Variants in GLRA1 observed in about 807,000 individuals in gnomAD.
The protein encoded by GLRA1 is glycine receptor subunit alpha-1.
GLRA1 carries 37 observed loss-of-function variants against 48.3 expected under a neutral mutation model. That is an observed-to-expected ratio of 0.77 (90% confidence interval 0.59 to 1.01). The LOEUF is 1.01. GLRA1 is among the 50% of genes least tolerant of loss of function. The pLI, the probability that GLRA1 is intolerant of heterozygous loss-of-function variation, is 0.00. For missense variants in GLRA1, 427 were observed against 571.0 expected (o/e 0.75, Z 2.57); for synonymous variants, 196 against 210.7 (o/e 0.93, Z 0.60).
intron 3 of GLRA1, among the ~76,000 whole-genome samples, chr5:151,878,941 C>T (rs1052688452): frequency 2.0e-5 from 3 of 152,218 alleles, no homozygotes. Flanking sequence ...TACTTGGGCA[C>T]CTCCTAGTGG....
chr5:151,876,366 T>A (rs1581636933), intron 3 of GLRA1, among the ~76,000 whole-genome samples: 1 of 152,268 alleles, frequency 6.6e-6, no homozygotes, highest in South Asian at 2.1e-4. Flanking sequence ...ATGACCAGAT[T>A]GCTGCTTTAG....
intron 3 of GLRA1, among the ~76,000 whole-genome samples, chr5:151,865,244 G>T: frequency 6.6e-6 from 1 of 152,168 alleles, no homozygotes. Context: ...CTGAGGAAAG[G>T]GCTCTGATAG....
intron 5 of GLRA1, 58 bp from the exon 6 acceptor site, chr5:151,855,235 G>A: frequency 6.5e-7 from 1 of 1,549,828 alleles, no homozygotes; most frequent in Non-Finnish European, 8.9e-7. Flanking sequence ...TTTGAAGCAT[G>A]TCAGGATTGG....
At chr5:151,883,978 G>A (rs1753832058) in intron 3 of GLRA1, among the ~76,000 whole-genome samples, 1 of 152,066 alleles carries the variant, frequency 6.6e-6, no homozygotes, top group Non-Finnish European at 1.5e-5. Context: ...GGAGAGGAGA[G>A]GAGGAATAAA....
At chr5:151,899,308 C>G (rs1754307693) in intron 1 of GLRA1, among the ~76,000 whole-genome samples, 1 of 152,184 alleles carries the variant, frequency 6.6e-6, no homozygotes, top group African/African-American at 2.4e-5. Flanking sequence ...GGGGATTAAT[C>G]AGAAATTGTC....
intron 3 of GLRA1, among the ~76,000 whole-genome samples, chr5:151,876,931 ATCTC>A (rs147067649): frequency 2.0e-5 from 3 of 149,488 alleles, no homozygotes; most frequent in Non-Finnish European, 3.0e-5. Context: ...GAGGTGCCAG[ATCTC>A]TCTCTCTCTC....
chr5:151,826,659 C>A (rs1763277629), intron 8 of GLRA1, among the ~76,000 whole-genome samples: 1 of 152,158 alleles, frequency 6.6e-6, no homozygotes, highest in South Asian at 2.1e-4. Context: ...CTGATCAAAT[C>A]TAGCTAGTGG....
intron 1 of GLRA1, among the ~76,000 whole-genome samples, chr5:151,906,814 C>G (rs1754483466): frequency 1.3e-5 from 2 of 152,142 alleles, no homozygotes; most frequent in South Asian, 2.1e-4. Context: ...AGGAATGGAG[C>G]CAGGTCTTTC....
intron 6 of GLRA1, among the ~76,000 whole-genome samples, chr5:151,853,168 T>G (rs535808003): frequency 2.0e-5 from 3 of 152,338 alleles, no homozygotes; most frequent in Non-Finnish European, 4.4e-5. Context: ...GGAGATCTAA[T>G]GTACAGCAAT....
intron 3 of GLRA1, 148 bp from the exon 4 acceptor site, chr5:151,860,156 G>T: frequency 1.4e-6 from 1 of 695,442 alleles, no homozygotes; most frequent in Admixed American, 2.1e-5. Context: ...GACATAAAAG[G>T]TGTGTATCAG....
intron 3 of GLRA1, among the ~76,000 whole-genome samples, chr5:151,869,426 C>A (rs1163607058): frequency 6.6e-6 from 1 of 150,950 alleles, no homozygotes; most frequent in African/African-American, 2.4e-5. Context: ...TATTGCTAAA[C>A]TTTTTGGTTG....
chr5:151,850,238 C>T, intron 7 of GLRA1: 1 of 1,604,678 alleles, frequency 6.2e-7, no homozygotes, highest in South Asian at 1.1e-5. Flanking sequence ...ATGCTGGAGC[C>T]AAGATGGTGG....
intron 1 of GLRA1, among the ~76,000 whole-genome samples, chr5:151,914,017 A>G (rs1754679775): frequency 6.6e-6 from 1 of 152,246 alleles, no homozygotes; most frequent in African/African-American, 2.4e-5. Flanking sequence ...TTTCAAACAT[A>G]TCTCCCTATG....
At chr5:151,886,570 A>G (rs1290212631) in intron 3 of GLRA1, 151 bp downstream of exon 3, 1 of 693,214 alleles carries the variant, frequency 1.4e-6, no homozygotes, top group African/African-American at 1.8e-5. Context: ...TGTGACAGTA[A>G]AGACATCCGA....
chr5:151,854,778 A>T (rs780938417), intron 6 of GLRA1, among the ~76,000 whole-genome samples: 1 of 152,232 alleles, frequency 6.6e-6, no homozygotes, highest in Admixed American at 6.5e-5. Flanking sequence ...CTTCTGCCTT[A>T]GAAATAGGAT....
At chr5:151,909,882 C>T (rs1754566602) in intron 1 of GLRA1, among the ~76,000 whole-genome samples, 1 of 151,910 alleles carries the variant, frequency 6.6e-6, no homozygotes, top group South Asian at 2.1e-4. Context: ...ACATGTAATT[C>T]TTTCCATCTC....
At chr5:151,872,827 T>C (rs1211751289) in intron 3 of GLRA1, among the ~76,000 whole-genome samples, 1 of 149,770 alleles carries the variant, frequency 6.7e-6, no homozygotes, top group Non-Finnish European at 1.5e-5. Flanking sequence ...AACAGTAAGG[T>C]AGATCTATAT....
intron 2 of GLRA1, among the ~76,000 whole-genome samples, chr5:151,890,457 A>G (rs1754036743): frequency 6.6e-6 from 1 of 152,336 alleles, no homozygotes; most frequent in Non-Finnish European, 1.5e-5. Flanking sequence ...TCCTAAAAGC[A>G]GAGAGGGACA....
rs935170794 is a variant in GLRA1, at chr5:151,885,847, G to C, written c.252+874C>G. 5.3e-5 allele frequency among the ~76,000 whole-genome samples: 8 copies of C among 152,298 alleles called. No individual in the cohort carries two copies. The South Asian group carries it at 8.3e-4, about 16-fold the overall frequency. Reference sequence around the variant, plus strand: ...GTGGTTAGATTTGTGTTTTGGAAAGGCTAGTGTGGGATAAAGTAGACTGGA... The same window carrying C: ...GTGGTTAGATTTGTGTTTTGGAAAGCCTAGTGTGGGATAAAGTAGACTGGA... On this transcript the variant is annotated intron_variant, in intron 3 of 8. Coordinates refer to ENST00000274576, the MANE Select transcript of GLRA1 (RefSeq NM_000171.4).
Sources: gnomAD v4.1 joint callset for allele counts (sites outside exome capture counted in the v4.1 genomes callset) on GRCh38, gnomAD v4.1.1 for gene constraint, MANE v1.5 for transcripts, NCBI Gene and HGNC (gene_info 2026-07-23, HGNC 2026-07-21) for gene names.